The following CDK14 variants were observed in gnomAD, a reference collection of about 807,000 sequenced individuals.
CDK14 encodes cyclin dependent kinase 14, also known as cyclin-dependent kinase 14.
A neutral mutation model predicts 60.7 loss-of-function variants in CDK14; 34 were observed. The ratio of observed to expected loss-of-function variants is 0.56; its 90% CI spans 0.43 to 0.75. The LOEUF (loss-of-function observed/expected upper bound fraction) is 0.75. Ranked by LOEUF, CDK14 falls within the 30% of genes least tolerant of loss-of-function variation. CDK14 has a pLI of 0.00. For synonymous variants in CDK14, 197 were observed against 203.7 expected (o/e 0.97, Z 0.28); for missense variants, 482 against 564.1 (o/e 0.85, Z 1.47).
intron 4 of CDK14, among the ~76,000 whole-genome samples, chr7:90,776,671 G>A (rs1025055289): frequency 2.6e-5 from 4 of 152,184 alleles, no homozygotes; most frequent in African/African-American, 9.7e-5. Flanking sequence ...ATGTAGATGT[G>A]AATTAAATTA....
At chr7:90,683,273 G>A (rs1488046559) in intron 2 of CDK14, among the ~76,000 whole-genome samples, 2 of 151,914 alleles carry the variant, frequency 1.3e-5, no homozygotes, top group Admixed American at 6.6e-5. Context: ...CTGTTTTCCT[G>A]CAATGGCCTA....
intron 5 of CDK14, among the ~76,000 whole-genome samples, chr7:90,810,536 G>C (rs1789052462): frequency 6.6e-6 from 1 of 152,146 alleles, no homozygotes; most frequent in Admixed American, 6.5e-5. Flanking sequence ...GCAAAAACTG[G>C]AAGCATTCCC....
chr7:90,713,624 G>A (rs775137274), intron 2 of CDK14, among the ~76,000 whole-genome samples: 125 of 144,950 alleles, frequency 8.6e-4, no homozygotes, highest in Non-Finnish European at 1.3e-3. Context: ...AGCTTTGGAA[G>A]TACTTTTTTT....
intron 8 of CDK14, among the ~76,000 whole-genome samples, chr7:90,940,216 T>A (rs1227479186): frequency 6.6e-6 from 1 of 152,214 alleles, no homozygotes; most frequent in African/African-American, 2.4e-5. Flanking sequence ...CCAGTTTTCT[T>A]ATGCATCTTT....
intron 4 of CDK14, among the ~76,000 whole-genome samples, chr7:90,788,915 T>G (rs577788991): frequency 6.6e-6 from 1 of 152,052 alleles, no homozygotes; most frequent in Non-Finnish European, 1.5e-5. Flanking sequence ...TGAGAACATA[T>G]AGTGTAGGTG....
intron 2 of CDK14, chr7:90,709,722 T>G (rs1222868124): frequency 2.1e-6 from 3 of 1,460,670 alleles, no homozygotes; most frequent in Admixed American, 2.6e-5. Context: ...TCTCAACAGT[T>G]TTTGGTCTTA....
chr7:91,038,432 C>A (rs767974876), intron 10 of CDK14, among the ~76,000 whole-genome samples: 3 of 152,128 alleles, frequency 2.0e-5, no homozygotes, highest in African/African-American at 7.2e-5. Context: ...AAGAAATAGA[C>A]GTTTATCAAA....
intron 5 of CDK14, among the ~76,000 whole-genome samples, chr7:90,815,410 A>G (rs1398735857): frequency 6.6e-6 from 1 of 152,230 alleles, no homozygotes; most frequent in Non-Finnish European, 1.5e-5. Flanking sequence ...TTAAAAAGTC[A>G]GGGAACAACA....
At chr7:91,083,939 C>G (rs906281588) in intron 12 of CDK14, among the ~76,000 whole-genome samples, 1 of 152,214 alleles carries the variant, frequency 6.6e-6, no homozygotes, top group Non-Finnish European at 1.5e-5. Flanking sequence ...CGGACATAGT[C>G]AAAGGCCTGA....
At chr7:90,840,160 T>A (rs540165388) in intron 5 of CDK14, among the ~76,000 whole-genome samples, 10 of 152,332 alleles carry the variant, frequency 6.6e-5, no homozygotes, top group African/African-American at 2.4e-4. Context: ...TAAGATGTTC[T>A]CTACTCCTGT....
At chr7:91,039,577 C>G (rs1380517753) in intron 10 of CDK14, among the ~76,000 whole-genome samples, 1 of 152,128 alleles carries the variant, frequency 6.6e-6, no homozygotes. Context: ...ATATCCTTTG[C>G]CTACTCTAGA....
intron 14 of CDK14, among the ~76,000 whole-genome samples, chr7:91,143,517 T>A (rs1324653761): frequency 6.6e-6 from 1 of 151,856 alleles, no homozygotes; most frequent in Non-Finnish European, 1.5e-5. Context: ...AGCCCAGGAG[T>A]TTGAGTCCAG....
At chr7:90,951,908 G>A (rs1255907303) in intron 8 of CDK14, among the ~76,000 whole-genome samples, 3 of 152,116 alleles carry the variant, frequency 2.0e-5, no homozygotes, top group Non-Finnish European at 4.4e-5. Context: ...TAAGCTGGAG[G>A]TAAAATCTTG....
At chr7:91,047,605 T>C (rs1398484742) in intron 11 of CDK14, among the ~76,000 whole-genome samples, 1 of 152,218 alleles carries the variant, frequency 6.6e-6, no homozygotes, top group Non-Finnish European at 1.5e-5. Context: ...AGAATATTTA[T>C]GTTTAAGTTA....
chr7:90,797,336 T>C (rs970142273), intron 5 of CDK14, among the ~76,000 whole-genome samples: 2 of 152,004 alleles, frequency 1.3e-5, no homozygotes, highest in Admixed American at 6.5e-5. Context: ...TGTGTACCTG[T>C]CTGCATCCAA....
chr7:91,158,654 A>G (rs1158330105), intron 14 of CDK14, among the ~76,000 whole-genome samples: 1 of 152,210 alleles, frequency 6.6e-6, no homozygotes, highest in African/African-American at 2.4e-5. Flanking sequence ...TTTCCAAGAT[A>G]AGTATATTAT....
intron 2 of CDK14, among the ~76,000 whole-genome samples, chr7:90,604,551 G>A (rs562345773): frequency 3.3e-5 from 5 of 152,184 alleles, no homozygotes; most frequent in African/African-American, 9.7e-5. Context: ...AGTGATGTAC[G>A]TGCTTAAGGC....
intron 5 of CDK14, among the ~76,000 whole-genome samples, chr7:90,804,107 T>C (rs1788740403): frequency 6.6e-6 from 1 of 152,206 alleles, no homozygotes; most frequent in Non-Finnish European, 1.5e-5. Flanking sequence ...CAGATTCTTC[T>C]CAGGCTTCCC....
At chr7:90,810,567 A>G (rs2117039014) in intron 5 of CDK14, among the ~76,000 whole-genome samples, 1 of 152,384 alleles carries the variant, frequency 6.6e-6, no homozygotes, top group Admixed American at 6.5e-5. Context: ...GGCACAAGAC[A>G]GGGATGCCCT....
Sources: allele counts gnomAD v4.1 joint callset (sites outside exome capture counted in the v4.1 genomes callset), GRCh38; gene constraint gnomAD v4.1.1; transcripts MANE v1.5; gene names NCBI Gene and HGNC (gene_info 2026-07-23, HGNC 2026-07-21).